The following NPAS3 variants were observed in gnomAD, a reference collection of about 807,000 sequenced individuals.
The protein encoded by NPAS3 is neuronal PAS domain protein 3.
In NPAS3, 14 loss-of-function variants were observed where a neutral mutation model predicts 73.1. The ratio of observed to expected loss-of-function variants is 0.19; its 90% CI spans 0.13 to 0.30. The LOEUF is 0.30. Ranked by LOEUF, NPAS3 falls within the 10% of genes least tolerant of loss-of-function variation. NPAS3 has a pLI of 1.00. For missense variants in NPAS3, 1,096 were observed against 1,250.0 expected (o/e 0.88, Z 1.86); for synonymous variants, 620 against 541.5 (o/e 1.14, Z -2.01).
intron 4 of NPAS3, among the ~76,000 whole-genome samples, chr14:33,414,778 T>C (rs1220843283): frequency 3.3e-5 from 5 of 152,072 alleles, no homozygotes; most frequent in Non-Finnish European, 5.9e-5. Flanking sequence ...CGCCTAGTGG[T>C]GGGTAGGGTG....
chr14:32,943,141 A>G (rs897440227), intron 1 of NPAS3, among the ~76,000 whole-genome samples: 3 of 152,218 alleles, frequency 2.0e-5, no homozygotes, highest in African/African-American at 7.2e-5. Context: ...ACAGTGAGCA[A>G]ATGAGCAAAC....
intron 3 of NPAS3, among the ~76,000 whole-genome samples, chr14:33,320,438 T>TA (rs1175719462): frequency 1.3e-5 from 2 of 152,026 alleles, no homozygotes; most frequent in Non-Finnish European, 2.9e-5. Flanking sequence ...TAAAGTATAA[T>TA]AAAAAAAATT....
intron 3 of NPAS3, among the ~76,000 whole-genome samples, chr14:33,231,162 C>A (rs143957063): frequency 6.6e-6 from 1 of 152,130 alleles, no homozygotes; most frequent in Non-Finnish European, 1.5e-5. Context: ...ATGACAAGTC[C>A]TGGACAATTG....
intron 1 of NPAS3, among the ~76,000 whole-genome samples, chr14:33,015,641 A>T (rs2039364344): frequency 6.6e-6 from 1 of 152,184 alleles, no homozygotes; most frequent in East Asian, 1.9e-4. Flanking sequence ...TATGTATTAT[A>T]TAGATGCACA....
chr14:33,711,533 G>T (rs1003802078), intron 6 of NPAS3, among the ~76,000 whole-genome samples: 2 of 152,148 alleles, frequency 1.3e-5, no homozygotes, highest in African/African-American at 4.8e-5. Context: ...TAACTTCAAA[G>T]AATCTTTTGA....
intron 1 of NPAS3, among the ~76,000 whole-genome samples, chr14:33,008,816 G>A (rs2039088194): frequency 6.6e-6 from 1 of 152,094 alleles, no homozygotes; most frequent in Non-Finnish European, 1.5e-5. Flanking sequence ...ACTTAGCAAA[G>A]GTAATAGACT....
At chr14:33,268,590 C>A (rs1189283035) in intron 3 of NPAS3, among the ~76,000 whole-genome samples, 1 of 152,022 alleles carries the variant, frequency 6.6e-6, no homozygotes, top group Non-Finnish European at 1.5e-5. Context: ...TGCAGATTTG[C>A]TTCATGTCAC....
chr14:33,626,125 G>A (rs1416109395), intron 5 of NPAS3, among the ~76,000 whole-genome samples: 4 of 152,136 alleles, frequency 2.6e-5, no homozygotes, highest in African/African-American at 7.2e-5. Context: ...GATCTTTCTG[G>A]CAGTGCTTTC....
intron 3 of NPAS3, among the ~76,000 whole-genome samples, chr14:33,308,102 G>C (rs552552896): frequency 1.1e-3 from 170 of 152,264 alleles, no homozygotes; most frequent in Middle Eastern, 6.8e-3. Context: ...AGGAGAATGG[G>C]GGGTATCTGA....
intron 2 of NPAS3, among the ~76,000 whole-genome samples, chr14:33,203,570 T>C (rs1255459836): frequency 6.6e-6 from 1 of 151,850 alleles, no homozygotes; most frequent in Non-Finnish European, 1.5e-5. Context: ...GAACATGCGG[T>C]GTTTGGTTTT....
intron 2 of NPAS3, among the ~76,000 whole-genome samples, chr14:33,130,183 A>G (rs1188658264): frequency 6.6e-6 from 1 of 152,170 alleles, no homozygotes; most frequent in Non-Finnish European, 1.5e-5. Flanking sequence ...GGCAGACCAT[A>G]ATGGAGGATT....
intron 1 of NPAS3, among the ~76,000 whole-genome samples, chr14:33,010,954 AAG>A (rs1566462675): frequency 6.3e-5 from 6 of 94,566 alleles, no homozygotes; most frequent in Non-Finnish European, 1.2e-4. Flanking sequence ...AAAAAAAAAA[AAG>A]AAAAGAAAAA....
chr14:33,596,409 T>G (rs1370063546), intron 5 of NPAS3, among the ~76,000 whole-genome samples: 1 of 152,228 alleles, frequency 6.6e-6, no homozygotes, highest in African/African-American at 2.4e-5. Context: ...TTGCTTCTTC[T>G]TTTGTACCAC....
At chr14:33,575,907 A>C (rs2056413760) in intron 5 of NPAS3, among the ~76,000 whole-genome samples, 1 of 152,230 alleles carries the variant, frequency 6.6e-6, no homozygotes, top group African/African-American at 2.4e-5. Context: ...GGAAGGAAAG[A>C]GAGAATGAGA....
At chr14:33,384,624 G>A (rs1361075637) in intron 4 of NPAS3, among the ~76,000 whole-genome samples, 2 of 152,122 alleles carry the variant, frequency 1.3e-5, no homozygotes, top group Non-Finnish European at 2.9e-5. Flanking sequence ...AACTACTTGG[G>A]AGCCTGAGGC....
chr14:33,483,755 A>G (rs1177577822), intron 4 of NPAS3, among the ~76,000 whole-genome samples: 1 of 152,160 alleles, frequency 6.6e-6, no homozygotes, highest in Non-Finnish European at 1.5e-5. Flanking sequence ...GCATGACCCA[A>G]GCACCTCCCT....
chr14:33,095,641 G>C (rs954401602), intron 2 of NPAS3, among the ~76,000 whole-genome samples: 1 of 148,692 alleles, frequency 6.7e-6, no homozygotes. Flanking sequence ...TTACACAAAG[G>C]CGTGGGCATT....
chr14:33,583,878 C>T (rs1374663164), intron 5 of NPAS3, among the ~76,000 whole-genome samples: 2 of 152,110 alleles, frequency 1.3e-5, no homozygotes, highest in African/African-American at 4.8e-5. Flanking sequence ...GTAAGTTGGC[C>T]TTCTTCAGAG....
chr14:33,330,331 G>T (rs1471392935), intron 3 of NPAS3, among the ~76,000 whole-genome samples: 1 of 152,084 alleles, frequency 6.6e-6, no homozygotes, highest in Non-Finnish European at 1.5e-5. Flanking sequence ...TAAATTTGTT[G>T]GTTCTTAAAA....
Sources: allele counts gnomAD v4.1 joint callset (sites outside exome capture counted in the v4.1 genomes callset), GRCh38; gene constraint gnomAD v4.1.1; transcripts MANE v1.5; gene names NCBI Gene and HGNC (gene_info 2026-07-23, HGNC 2026-07-21).